ZBBX: variants seen among roughly 807,000 people sequenced by gnomAD.
ZBBX encodes the protein zinc finger B-box domain containing, also known as zinc finger B-box domain-containing protein 1.
Under a neutral mutation model 108.5 loss-of-function variants are expected in ZBBX, and 101 were observed. The ratio of observed to expected loss-of-function variants is 0.93; its 90% CI spans 0.79 to 1.10. ZBBX has a LOEUF of 1.10. ZBBX is among the 50% of genes least tolerant of loss of function. The pLI is 0.00. For missense variants in ZBBX, 1,009 were observed against 941.4 expected, an observed-to-expected ratio of 1.07 and a Z score of -0.94; for synonymous variants, 356 against 323.4, an observed-to-expected ratio of 1.10 and a Z score of -1.08.
chr3:167,180,109 A>G, the ZBBX span, among the ~76,000 whole-genome samples: 3 of 152,204 alleles, frequency 2.0e-5, no homozygotes, highest in South Asian at 4.1e-4. Flanking sequence ...CTCTCGAACA[A>G]CAACACCAGT....
At chr3:167,315,532 C>A (rs2108285428) in intron 15 of ZBBX, among the ~76,000 whole-genome samples, 1 of 152,246 alleles carries the variant, frequency 6.6e-6, no homozygotes, top group African/African-American at 2.4e-5. Flanking sequence ...GGTAAGAGTA[C>A]AAACCTATCA....
intron 1 of ZBBX, among the ~76,000 whole-genome samples, chr3:167,398,117 G>C (rs2108641359): frequency 6.6e-6 from 1 of 152,078 alleles, no homozygotes; most frequent in Middle Eastern, 3.4e-3. Flanking sequence ...TTCAGTCATA[G>C]AGCTGTTCAG....
chr3:167,400,063 C>G (rs917160850), intron 1 of ZBBX, among the ~76,000 whole-genome samples: 4 of 152,166 alleles, frequency 2.6e-5, no homozygotes, highest in African/African-American at 9.7e-5. Context: ...GCATAGTATT[C>G]CGTAGTGTAT....
chr3:167,225,073 A>G, the ZBBX span, among the ~76,000 whole-genome samples: 1 of 151,886 alleles, frequency 6.6e-6, no homozygotes, highest in Non-Finnish European at 1.5e-5. Context: ...TTGATATGGA[A>G]TAGACACAAG....
chr3:167,322,117 C>T lies in ZBBX; in HGVS notation c.983G>A (p.Arg328Lys), dbSNP rs1418771943. 1 of 1,261,730 alleles carries T rather than the reference C, an allele frequency of 7.9e-7. No homozygotes were observed. Among genetic ancestry groups the T allele is most frequent in the South Asian group, 2.2e-5 (1 of 45,858 alleles). 78.2% of individuals were successfully genotyped at this position (1,261,730 alleles called of 1,614,324 possible). A position where few individuals can be genotyped will look rare whatever the true frequency, so the allele number is the denominator to read the frequency against. The change falls in exon 12 of 22, where the codon AGA becomes AAA. Residue 328 changes from arginine (R) to lysine (K), a missense_variant and splice_region_variant. Arg to Lys is a conservative substitution (Grantham distance 26). Transcript: ENST00000675490. ...MEKLWLKKHR[R>K]TPQEQLFKML... ...ATAGTATTATAATTTCAGAAAATAC[C>T]TCCTGTGTTTTTTAAGCCATAATTT...
At chr3:167,187,012 A>C in the ZBBX span, among the ~76,000 whole-genome samples, 1 of 152,168 alleles carries the variant, frequency 6.6e-6, no homozygotes, top group Non-Finnish European at 1.5e-5. Context: ...TACAGGAAAA[A>C]GTGACAACCC....
chr3:167,179,557 T>A, the ZBBX span, among the ~76,000 whole-genome samples: 1 of 152,232 alleles, frequency 6.6e-6, no homozygotes, highest in African/African-American at 2.4e-5. Flanking sequence ...GTTGTTCATC[T>A]GTATGAAATC....
chr3:167,301,508 A>G (rs1232730772), intron 17 of ZBBX, among the ~76,000 whole-genome samples: 1 of 152,208 alleles, frequency 6.6e-6, no homozygotes, highest in Non-Finnish European at 1.5e-5. Flanking sequence ...AGTCAGATTC[A>G]TAGTTCATTA....
intron 16 of ZBBX, among the ~76,000 whole-genome samples, chr3:167,312,760 G>T (rs554407260): frequency 1.3e-5 from 2 of 152,158 alleles, no homozygotes; most frequent in African/African-American, 4.8e-5. Context: ...ATTCCCATGT[G>T]GCTGTACTTT....
At chr3:167,253,824 A>G (rs79294417) in intron 20 of ZBBX, among the ~76,000 whole-genome samples, 4,468 of 152,282 alleles carry the variant, frequency 0.029, 88 homozygotes, top group Non-Finnish European at 0.046. Flanking sequence ...ACGGGTGAAA[A>G]AAATAAAAAA....
chr3:167,212,789 T>C, the ZBBX span, among the ~76,000 whole-genome samples: 1 of 151,978 alleles, frequency 6.6e-6, no homozygotes, highest in Non-Finnish European at 1.5e-5. Context: ...AACCCACAAT[T>C]TCAGAGCACT....
At chr3:167,206,299 A>C in the ZBBX span, among the ~76,000 whole-genome samples, 1 of 152,036 alleles carries the variant, frequency 6.6e-6, no homozygotes, top group African/African-American at 2.4e-5. Flanking sequence ...CCATGTTATC[A>C]CAAATGGCAG....
intron 20 of ZBBX, among the ~76,000 whole-genome samples, chr3:167,270,256 T>C (rs908771943): frequency 7.9e-5 from 12 of 152,164 alleles, no homozygotes; most frequent in African/African-American, 2.9e-4. Context: ...CCGGAGCAAG[T>C]TGAAGGCATC....
At chr3:167,246,063 T>C (rs779446050) in intron 20 of ZBBX, among the ~76,000 whole-genome samples, 6 of 152,174 alleles carry the variant, frequency 3.9e-5, no homozygotes, top group African/African-American at 1.2e-4. Context: ...GCCTCAGTTA[T>C]TGAATATGAA....
At chr3:167,229,290 C>T in the ZBBX span, among the ~76,000 whole-genome samples, 1 of 151,704 alleles carries the variant, frequency 6.6e-6, no homozygotes, top group Admixed American at 6.6e-5. Flanking sequence ...TCTTAAGACC[C>T]GAATTAAACG....
At chr3:167,334,684 A>G (rs6784740) in intron 9 of ZBBX, among the ~76,000 whole-genome samples, 2,650 of 152,270 alleles carry the variant, frequency 0.017, 85 homozygotes, top group African/African-American at 0.061. Context: ...TCAGGTGTGT[A>G]TAAGTCTAAT....
At chr3:167,191,930 T>TAGAG in the ZBBX span, among the ~76,000 whole-genome samples, 5 of 127,266 alleles carry the variant, frequency 3.9e-5, no homozygotes, top group African/African-American at 1.6e-4. Flanking sequence ...TATATATATA[T>TAGAG]ATATAGAGCA....
rs556377705 is a variant in ZBBX, at chr3:167,406,684, C to T, written c.-446+1042G>A. 3.5e-3 allele frequency among the ~76,000 whole-genome samples: 527 copies of T among 152,184 alleles called. 2 individuals carry two copies. The highest frequency in any genetic ancestry group is 4.7e-3 in the Non-Finnish European group (322 of 68,024). ...TAATTCCCTGTTTGAACACCATGGACGTAGCTAGGAAAGTAGTTTACAATT... is the reference window on the plus strand; with the variant it reads ...TAATTCCCTGTTTGAACACCATGGATGTAGCTAGGAAAGTAGTTTACAATT... On this transcript the variant is annotated intron_variant, in intron 1 of 21. Coordinates refer to the ZBBX transcript ENST00000455345.
At chr3:167,362,998 C>T (rs1241983066) in intron 6 of ZBBX, among the ~76,000 whole-genome samples, 1 of 151,936 alleles carries the variant, frequency 6.6e-6, no homozygotes, top group Non-Finnish European at 1.5e-5. Context: ...CTCCAACATG[C>T]TGGCTACTGT....
Sources: allele counts gnomAD v4.1 joint callset (sites outside exome capture counted in the v4.1 genomes callset), GRCh38; gene constraint gnomAD v4.1.1; transcripts MANE v1.5; gene names NCBI Gene and HGNC (gene_info 2026-07-23, HGNC 2026-07-21).